ARHGEF11: variants seen among roughly 807,000 people sequenced by gnomAD.
ARHGEF11 encodes the protein Rho guanine nucleotide exchange factor 11.
A neutral mutation model predicts 193.7 loss-of-function variants in ARHGEF11; 55 were observed. That is an observed-to-expected ratio of 0.28 (90% CI 0.23 to 0.36). The LOEUF is 0.36. Among genes scored for constraint, ARHGEF11 ranks in the 10% least tolerant of loss-of-function variants. The pLI, the probability that ARHGEF11 is intolerant of heterozygous loss-of-function variation, is 1.00. For synonymous variants in ARHGEF11, 693 were observed against 768.0 expected (o/e 0.90, Z 1.62); for missense variants, 1,723 against 2,005.6 (o/e 0.86, Z 2.69).
rs751618770 is a variant in ARHGEF11, at chr1:156,946,719, G to T, written c.2637C>A (p.Ala879=). The change falls in exon 28 of 41, where the codon GCC becomes GCA. Residue 879 remains alanine, a synonymous_variant. Transcript: ENST00000368194. ...AAQFCSYQSI[A]LELIKTKQRK... is the part of the protein sequence containing the mutation. ...GTTGCTTGGTCTTGATTAGCTCTAGGGCTATTGACTGATAGGAACAGAACT... is the reference window on the plus strand; with the variant it reads ...GTTGCTTGGTCTTGATTAGCTCTAGTGCTATTGACTGATAGGAACAGAACT... 1 of 1,614,200 alleles carries T rather than the reference G, an allele frequency of 6.2e-7. No individual in the cohort carries two copies. The highest frequency in any genetic ancestry group is 1.1e-5 in the South Asian group (1 of 91,076).
intron 1 of ARHGEF11, among the ~76,000 whole-genome samples, chr1:157,038,028 T>TC (rs1672272398): frequency 5.5e-5 from 1 of 18,092 alleles, no homozygotes; most frequent in African/African-American, 2.1e-4. Flanking sequence ...CAAGACTGTC[T>TC]CAAAAAAAAA....
chr1:157,012,267 T>C (rs1668632859), intron 1 of ARHGEF11, among the ~76,000 whole-genome samples: 2 of 152,186 alleles, frequency 1.3e-5, no homozygotes, highest in African/African-American at 4.8e-5. Context: ...GTATGTGAAA[T>C]ATTCAGAATA....
chr1:156,994,151 A>G (rs1303569133), intron 1 of ARHGEF11, among the ~76,000 whole-genome samples: 2 of 152,178 alleles, frequency 1.3e-5, no homozygotes, highest in Non-Finnish European at 2.9e-5. Context: ...ATCATCTGTT[A>G]GTCTGTCATC....
At chr1:156,941,125 C>T (rs185485459) in intron 35 of ARHGEF11, among the ~76,000 whole-genome samples, 49 of 152,260 alleles carry the variant, frequency 3.2e-4, no homozygotes, top group Non-Finnish European at 6.3e-4. Flanking sequence ...CAGCTGATGC[C>T]GTCACCCAGA....
intron 6 of ARHGEF11, 80 bp downstream of exon 6, chr1:156,978,124 A>T (rs1663527397): frequency 1.3e-6 from 2 of 1,575,126 alleles, no homozygotes; most frequent in Admixed American, 1.8e-5. Context: ...GCCCCACTGG[A>T]TTTAACTTGC....
At chr1:156,944,488 T>C (rs1281611471) in intron 30 of ARHGEF11, 55 bp from the exon 31 acceptor site, 8 of 1,537,560 alleles carry the variant, frequency 5.2e-6, no homozygotes, top group South Asian at 1.1e-5. Flanking sequence ...ATTCAAGTGT[T>C]TGAGAGCCTA....
At chr1:156,944,150 C>T in intron 31 of ARHGEF11, 48 bp from the exon 32 acceptor site, 2 of 1,593,520 alleles carry the variant, frequency 1.3e-6, no homozygotes, top group South Asian at 1.1e-5. Flanking sequence ...CCTACTCATC[C>T]CTCATGAGCA....
At chr1:156,957,393 C>T (rs1243703001) in intron 18 of ARHGEF11, among the ~76,000 whole-genome samples, 2 of 152,180 alleles carry the variant, frequency 1.3e-5, no homozygotes, top group African/African-American at 4.8e-5. Flanking sequence ...ACCCCAGCTC[C>T]CCTCTGCAGA....
At chr1:157,004,864 AAAC>A (rs903185774) in intron 1 of ARHGEF11, among the ~76,000 whole-genome samples, 3 of 152,214 alleles carry the variant, frequency 2.0e-5, no homozygotes, top group East Asian at 1.9e-4. Flanking sequence ...GTGAAATAGG[AAAC>A]AACAACTTCA....
intron 1 of ARHGEF11, among the ~76,000 whole-genome samples, chr1:156,997,724 C>G (rs1666720929): frequency 6.6e-6 from 1 of 150,648 alleles, no homozygotes; most frequent in Non-Finnish European, 1.5e-5. Flanking sequence ...GTATAAAATG[C>G]ACATCAGATT....
intron 22 of ARHGEF11, among the ~76,000 whole-genome samples, chr1:156,950,593 T>C (rs894879831): frequency 5.3e-5 from 8 of 152,132 alleles, no homozygotes; most frequent in African/African-American, 9.7e-5. Context: ...TGAGCTATGA[T>C]TGCACCACTG....
chr1:156,993,846 C>T (rs979330728), intron 1 of ARHGEF11, among the ~76,000 whole-genome samples: 2 of 152,136 alleles, frequency 1.3e-5, no homozygotes, highest in African/African-American at 4.8e-5. Context: ...GCATCAGTTC[C>T]CTCATCTCTT....
At chr1:157,019,126 T>G (rs895739166) in intron 1 of ARHGEF11, among the ~76,000 whole-genome samples, 2 of 152,192 alleles carry the variant, frequency 1.3e-5, no homozygotes, top group Non-Finnish European at 2.9e-5. Flanking sequence ...AGAAAAACCT[T>G]ATATATTGGA....
At chr1:157,001,558 G>GCA (rs1667210327) in intron 1 of ARHGEF11, among the ~76,000 whole-genome samples, 1 of 152,220 alleles carries the variant, frequency 6.6e-6, no homozygotes, top group South Asian at 2.1e-4. Flanking sequence ...ACATGTAGCT[G>GCA]CCTGATAGGA....
intron 32 of ARHGEF11, 85 bp downstream of exon 32, chr1:156,943,850 G>A (rs752679395): frequency 1.7e-5 from 25 of 1,493,148 alleles, no homozygotes; most frequent in Non-Finnish European, 2.3e-5. Context: ...GTCCTGTAAA[G>A]GCTCCAGACT....
At chr1:156,990,470 C>A (rs568074837) in intron 1 of ARHGEF11, among the ~76,000 whole-genome samples, 1 of 152,154 alleles carries the variant, frequency 6.6e-6, no homozygotes, top group Non-Finnish European at 1.5e-5. Flanking sequence ...TGTTTTCCAA[C>A]AATCTCTCAT....
At chr1:156,975,615 C>A (rs926806747) in intron 7 of ARHGEF11, among the ~76,000 whole-genome samples, 5 of 152,260 alleles carry the variant, frequency 3.3e-5, no homozygotes, top group African/African-American at 1.2e-4. Flanking sequence ...ATCTAAGAAA[C>A]CACTGCCCAA....
At chr1:156,961,897 G>T in intron 13 of ARHGEF11, 122 bp from the exon 14 acceptor site, 1 of 775,452 alleles carries the variant, frequency 1.3e-6, no homozygotes, top group Admixed American at 2.1e-5. Flanking sequence ...GGCAAGTGCG[G>T]TGCTACTGGC....
chr1:156,977,525 G>C (rs934096029), intron 6 of ARHGEF11, among the ~76,000 whole-genome samples: 1 of 152,144 alleles, frequency 6.6e-6, no homozygotes, highest in Admixed American at 6.5e-5. Flanking sequence ...CAACCCTCCT[G>C]CCTCAGCCTC....
Sources: gnomAD v4.1 joint callset for allele counts (sites outside exome capture counted in the v4.1 genomes callset) on GRCh38, gnomAD v4.1.1 for gene constraint, MANE v1.5 for transcripts, NCBI Gene and HGNC (gene_info 2026-07-23, HGNC 2026-07-21) for gene names.